ARRDC5: variants seen among roughly 807,000 people sequenced by gnomAD.
ARRDC5 encodes the protein arrestin domain containing 5.
In ARRDC5, 12 loss-of-function variants were observed where a neutral mutation model predicts 13.3. The ratio of observed to expected loss-of-function variants is 0.90; its 90% CI spans 0.58 to 1.46. ARRDC5 has a LOEUF of 1.46. Among genes scored for constraint, ARRDC5 ranks in the 40% most tolerant of loss-of-function variants. The pLI, the probability that ARRDC5 is intolerant of heterozygous loss-of-function variation, is 0.00. For missense variants in ARRDC5, 406 were observed against 418.7 expected (o/e 0.97, Z 0.26); for synonymous variants, 181 against 173.4 (o/e 1.04, Z -0.34).
At chr19:4,899,907 C>G (rs1235517200) in intron 1 of ARRDC5, among the ~76,000 whole-genome samples, 2 of 150,426 alleles carry the variant, frequency 1.3e-5, no homozygotes, top group African/African-American at 2.4e-5. Flanking sequence ...CCACTGCACT[C>G]CACGCTGGGC....
At chr19:4,912,527 T>C in the ARRDC5 span, among the ~76,000 whole-genome samples, 997 of 152,258 alleles carry the variant, frequency 6.5e-3, 1 homozygote, top group Middle Eastern at 0.014. Context: ...ATTTCAACCA[T>C]GCAGGAATGG....
the ARRDC5 span, among the ~76,000 whole-genome samples, chr19:4,915,345 G>T: frequency 2.0e-5 from 3 of 152,224 alleles, no homozygotes; most frequent in Admixed American, 6.5e-5. Flanking sequence ...CACCACTGCT[G>T]TTGTGGCCCC....
At chr19:4,896,131 A>G (rs2031700270) in intron 2 of ARRDC5, among the ~76,000 whole-genome samples, 1 of 152,026 alleles carries the variant, frequency 6.6e-6, no homozygotes, top group Admixed American at 6.6e-5. Context: ...CCTTGCCAAC[A>G]TGGCGAAACC....
At chr19:4,893,152 A>ATG in intron 2 of ARRDC5, among the ~76,000 whole-genome samples, 1 of 141,456 alleles carries the variant, frequency 7.1e-6, no homozygotes, top group South Asian at 2.1e-4. Context: ...TATTATTAGA[A>ATG]TATATATAAT....
At chr19:4,912,250 G>C in the ARRDC5 span, among the ~76,000 whole-genome samples, 1 of 152,144 alleles carries the variant, frequency 6.6e-6, no homozygotes, top group East Asian at 1.9e-4. Context: ...CTCGACAGAG[G>C]AGCTCCGCCT....
At chr19:4,915,488 C>T in the ARRDC5 span, among the ~76,000 whole-genome samples, 32 of 152,240 alleles carry the variant, frequency 2.1e-4, no homozygotes, top group African/African-American at 3.6e-4. Context: ...CCAAGGCAGG[C>T]GGATCACCTG....
At chr19:4,905,095 A>G (rs773372796), upstream of ARRDC5, among the ~76,000 whole-genome samples, 1 of 148,586 alleles carries the variant, frequency 6.7e-6, no homozygotes, top group East Asian at 2.0e-4. Flanking sequence ...CTCAACACAA[A>G]TTCGTAAACT....
At chr19:4,899,478 A>G (rs1333069618) in intron 1 of ARRDC5, among the ~76,000 whole-genome samples, 1 of 151,672 alleles carries the variant, frequency 6.6e-6, no homozygotes, top group Non-Finnish European at 1.5e-5. Context: ...TAAAAATACA[A>G]AAAATTAGTA....
chr19:4,910,805 C>G, the ARRDC5 span: 1 of 1,476,532 alleles, frequency 6.8e-7, no homozygotes, highest in Admixed American at 2.2e-5. Flanking sequence ...GCAACCCCGA[C>G]TCCTTAGAGC....
chr19:4,910,155 GGCGCGACCC>G, the ARRDC5 span: 2 of 151,626 alleles, frequency 1.3e-5, no homozygotes, highest in African/African-American at 4.8e-5. Flanking sequence ...TGGGCTCGCT[GGCGCGACCC>G]GCGCGGGCCA....
upstream of ARRDC5, chr19:4,902,940 G>C: frequency 1.3e-6 from 2 of 1,526,206 alleles, no homozygotes; most frequent in East Asian, 2.3e-5. Flanking sequence ...CAGAGTTCCG[G>C]GAAGTGGGGA....
chr19:4,894,687 A>G (rs1320653053), intron 2 of ARRDC5, among the ~76,000 whole-genome samples: 1 of 139,920 alleles, frequency 7.1e-6, no homozygotes, highest in Non-Finnish European at 1.6e-5. Context: ...GTCTCAAAAA[A>G]AAAAAAAAGA....
intron 1 of ARRDC5, among the ~76,000 whole-genome samples, chr19:4,897,518 T>A (rs1206631032): frequency 6.6e-6 from 1 of 151,524 alleles, no homozygotes; most frequent in Non-Finnish European, 1.5e-5. Flanking sequence ...CAAATATATC[T>A]TTTTTTTTCT....
the ARRDC5 span, chr19:4,910,583 C>T: frequency 9.5e-6 from 3 of 317,166 alleles, no homozygotes; most frequent in East Asian, 1.4e-4. Context: ...CCTTTCTCCT[C>T]TGGTCGTGGG....
intron 1 of ARRDC5, among the ~76,000 whole-genome samples, chr19:4,901,829 G>A (rs939157424): frequency 6.6e-6 from 1 of 152,014 alleles, no homozygotes; most frequent in African/African-American, 2.4e-5. Context: ...GATCTGACCT[G>A]GTGGAACTGG....
chr19:4,907,994 G>A, the ARRDC5 span, among the ~76,000 whole-genome samples: 2 of 152,108 alleles, frequency 1.3e-5, no homozygotes, highest in Admixed American at 1.3e-4. Context: ...TTACAGGTGT[G>A]AGCCAACGCG....
chr19:4,902,834 G>A lies in ARRDC5; in HGVS notation c.-9C>T, dbSNP rs931128112. On this transcript the variant is annotated 5_prime_UTR_variant, in exon 1 of 3. The change creates a premature stop within an existing upstream ORF in the 5' untranslated region. Coordinates refer to ENST00000650722, the MANE Select transcript of ARRDC5 (RefSeq NM_001080523.3). ...GACTTCACCACAGACATGGGGGGTT[G>A]GGGGGTAGAGAGACATTCCTCTCTG... The A allele has an allele frequency of 1.9e-6, 3 of 1,613,586 alleles. No individual in the cohort carries two copies. The highest frequency in any genetic ancestry group is 1.7e-5 in the Admixed American group (1 of 59,944).
At chr19:4,907,982 G>A in the ARRDC5 span, among the ~76,000 whole-genome samples, 1 of 152,112 alleles carries the variant, frequency 6.6e-6, no homozygotes. Context: ...AAAGTGCTGG[G>A]ATTACAGGTG....
chr19:4,902,237 C>G (rs906949652), intron 1 of ARRDC5, among the ~76,000 whole-genome samples: 6 of 152,132 alleles, frequency 3.9e-5, no homozygotes, highest in African/African-American at 1.4e-4. Context: ...TACTTTGTCT[C>G]CTGGGGTTTT....
Sources: gnomAD v4.1 joint callset for allele counts (sites outside exome capture counted in the v4.1 genomes callset) on GRCh38, gnomAD v4.1.1 for gene constraint, MANE v1.5 for transcripts, NCBI Gene and HGNC (gene_info 2026-07-23, HGNC 2026-07-21) for gene names.